Variants in ITGBL1 observed in about 807,000 individuals in gnomAD.
ITGBL1 encodes the protein integrin beta-like protein 1.
ITGBL1 carries 51 observed loss-of-function variants against 68.5 expected under a neutral mutation model. The observed-to-expected ratio is 0.74, with a 90% CI of 0.59 to 0.94. The LOEUF (loss-of-function observed/expected upper bound fraction) is 0.94. Ranked by LOEUF, ITGBL1 falls within the 40% of genes least tolerant of loss-of-function variation. The probability of loss-of-function intolerance (pLI) is 0.00; values close to 1 mark genes in which losing one functional copy is unlikely to be tolerated. For synonymous variants in ITGBL1, 209 were observed against 227.3 expected, an observed-to-expected ratio of 0.92 and a Z score of 0.72; for missense variants, 649 against 647.4, an observed-to-expected ratio of 1.00 and a Z score of -0.03.
At chr13:101,542,789 T>G (rs2049734693) in intron 2 of ITGBL1, among the ~76,000 whole-genome samples, 1 of 152,244 alleles carries the variant, frequency 6.6e-6, no homozygotes, top group Non-Finnish European at 1.5e-5. Context: ...CTTGTTGAAC[T>G]GATCCCTTTA....
intron 7 of ITGBL1, among the ~76,000 whole-genome samples, chr13:101,657,749 C>T (rs57240417): frequency 1.8e-4 from 27 of 152,236 alleles, no homozygotes; most frequent in African/African-American, 6.0e-4. Flanking sequence ...CCGTAAAATA[C>T]CTAGAATGCT....
In ITGBL1 at chr13:101,618,242, G is replaced by A. The variant is rs565525678; in HGVS notation, c.1015+19943G>A. On this transcript the variant is annotated intron_variant, in intron 7 of 10. Coordinates refer to ENST00000376180, the MANE Select transcript of ITGBL1 (RefSeq NM_004791.3). ...TTAGGAAAGTGTTAAAGAAGACATG[G>A]TTGATGCCTACTATAGATCAAAGAC... 9.9e-5 allele frequency among the ~76,000 whole-genome samples: 15 copies of A among 152,252 alleles called. No individual in the cohort carries two copies. The East Asian group carries it at 2.9e-3, about 29-fold the overall frequency.
At chr13:101,537,082 A>G (rs944810563) in intron 2 of ITGBL1, among the ~76,000 whole-genome samples, 1 of 152,010 alleles carries the variant, frequency 6.6e-6, no homozygotes, top group Non-Finnish European at 1.5e-5. Flanking sequence ...AACGTATGTA[A>G]GCATATAGAG....
chr13:101,604,887 T>TATACACACATACATACACAC, intron 7 of ITGBL1, among the ~76,000 whole-genome samples: 6 of 22,166 alleles, frequency 2.7e-4, no homozygotes, highest in African/African-American at 4.5e-4. Flanking sequence ...TATATATATA[T>TATACACACATACATACACAC]ACACACACAC....
chr13:101,655,933 A>G (rs2139464867), intron 7 of ITGBL1, among the ~76,000 whole-genome samples: 1 of 152,308 alleles, frequency 6.6e-6, no homozygotes, highest in Middle Eastern at 3.4e-3. Context: ...GGAGACCCTG[A>G]GAACATGTGT....
intron 7 of ITGBL1, among the ~76,000 whole-genome samples, chr13:101,614,158 A>G (rs1052771773): frequency 5.3e-5 from 8 of 152,134 alleles, no homozygotes; most frequent in Non-Finnish European, 1.2e-4. Flanking sequence ...ATACAGGACA[A>G]TGATTATTTG....
At chr13:101,503,827 A>T (rs965076075) in intron 2 of ITGBL1, among the ~76,000 whole-genome samples, 2 of 152,190 alleles carry the variant, frequency 1.3e-5, no homozygotes, top group East Asian at 1.9e-4. Flanking sequence ...GCTGTTAAAG[A>T]TGATGATGTT....
intron 7 of ITGBL1, among the ~76,000 whole-genome samples, chr13:101,665,510 T>C (rs892764018): frequency 6.6e-6 from 1 of 152,174 alleles, no homozygotes; most frequent in African/African-American, 2.4e-5. Flanking sequence ...TTATTAATTG[T>C]ATGTAGCTTC....
downstream of ITGBL1, chr13:101,720,736 T>C (rs2034920006): frequency 6.7e-6 from 1 of 149,060 alleles, no homozygotes; most frequent in African/African-American, 2.6e-5. Flanking sequence ...ATTTTAACTG[T>C]TCCTGTTAAA....
intron 2 of ITGBL1, among the ~76,000 whole-genome samples, chr13:101,537,183 T>G (rs1014405120): frequency 3.3e-5 from 5 of 152,040 alleles, no homozygotes; most frequent in Non-Finnish European, 7.4e-5. Flanking sequence ...AACTTGTATA[T>G]TATCAGCCCT....
At chr13:101,482,345 T>A (rs1030570038) in intron 2 of ITGBL1, among the ~76,000 whole-genome samples, 4 of 151,884 alleles carry the variant, frequency 2.6e-5, no homozygotes, top group African/African-American at 7.2e-5. Flanking sequence ...AGGTTTTTTT[T>A]TTTTACTATA....
At position 101,561,163 on chromosome 13, in the gene ITGBL1, G is replaced by A. The variant is rs543300650; in HGVS notation, c.317-6536G>A. On this transcript the variant is annotated intron_variant, in intron 2 of 10. Coordinates refer to ENST00000376180, the MANE Select transcript of ITGBL1 (RefSeq NM_004791.3). ...GTTGGTAGCGGCCAAGTATGCCCTC[G>A]TGAATGAGCATGAAGCCCCGGGTGC... Among the ~76,000 whole-genome samples, 117 of 152,208 alleles carry A rather than the reference G, an allele frequency of 7.7e-4. 1 individual carries two copies. Among genetic ancestry groups the A allele is most frequent in the African/African-American group, 2.4e-3 (99 of 41,538 alleles).
intron 7 of ITGBL1, among the ~76,000 whole-genome samples, chr13:101,615,354 A>G (rs530638926): frequency 6.8e-4 from 104 of 152,192 alleles, no homozygotes; most frequent in Non-Finnish European, 1.4e-3. Flanking sequence ...CTAGGTGGAC[A>G]TGAATTTTGA....
chr13:101,581,825 T>C (rs1287409670), intron 5 of ITGBL1, among the ~76,000 whole-genome samples: 2 of 152,218 alleles, frequency 1.3e-5, no homozygotes, highest in Non-Finnish European at 2.9e-5. Flanking sequence ...ATAACACAGA[T>C]ATAAAAAGTA....
At chr13:101,485,474 A>G (rs936671638) in intron 2 of ITGBL1, among the ~76,000 whole-genome samples, 2 of 152,212 alleles carry the variant, frequency 1.3e-5, no homozygotes, top group African/African-American at 2.4e-5. Context: ...AATGCAAACT[A>G]AAACCTCAGT....
At chr13:101,553,723 A>G (rs1410506902) in intron 2 of ITGBL1, among the ~76,000 whole-genome samples, 1 of 147,978 alleles carries the variant, frequency 6.8e-6, no homozygotes, top group Non-Finnish European at 1.5e-5. Context: ...CATTGCCCCG[A>G]TCCCTGCCTT....
At chr13:101,677,657 T>C (rs531169107) in intron 7 of ITGBL1, among the ~76,000 whole-genome samples, 1 of 152,220 alleles carries the variant, frequency 6.6e-6, no homozygotes, top group African/African-American at 2.4e-5. Flanking sequence ...TTCCCCCTTA[T>C]GCTAATCCAT....
At chr13:101,549,867 A>G (rs1238895319) in intron 2 of ITGBL1, among the ~76,000 whole-genome samples, 3 of 152,130 alleles carry the variant, frequency 2.0e-5, no homozygotes, top group Admixed American at 6.6e-5. Flanking sequence ...TATATCTATT[A>G]ACAATGTATT....
chr13:101,569,995 G>A (rs1282377881), intron 3 of ITGBL1, among the ~76,000 whole-genome samples: 4 of 152,140 alleles, frequency 2.6e-5, no homozygotes, highest in African/African-American at 9.6e-5. Flanking sequence ...ATCCGCTGAT[G>A]ACAATCACCT....
Sources: allele counts gnomAD v4.1 joint callset (sites outside exome capture counted in the v4.1 genomes callset), GRCh38; gene constraint gnomAD v4.1.1; transcripts MANE v1.5; gene names NCBI Gene and HGNC (gene_info 2026-07-23, HGNC 2026-07-21).